The following NRG3 variants were observed in gnomAD, a reference collection of about 807,000 sequenced individuals.
NRG3 encodes pro-neuregulin-3, membrane-bound isoform.
A neutral mutation model predicts 66.9 loss-of-function variants in NRG3; 31 were observed. The ratio of observed to expected loss-of-function variants is 0.46; its 90% CI spans 0.35 to 0.63. The LOEUF is 0.63. Ranked by LOEUF, NRG3 falls within the 20% of genes least tolerant of loss-of-function variation. The pLI, the probability that NRG3 is intolerant of heterozygous loss-of-function variation, is 0.00. For missense variants in NRG3, 910 were observed against 878.9 expected, an observed-to-expected ratio of 1.04 and a Z score of -0.45; for synonymous variants, 393 against 359.4, an observed-to-expected ratio of 1.09 and a Z score of -1.06.
At chr10:82,895,378 A>G (rs1371810094) in intron 4 of NRG3, among the ~76,000 whole-genome samples, 1 of 152,150 alleles carries the variant, frequency 6.6e-6, no homozygotes, top group African/African-American at 2.4e-5. Flanking sequence ...GTTCCTGGGA[A>G]GGCTAATCAT....
chr10:82,534,663 G>T (rs975115701), intron 2 of NRG3, among the ~76,000 whole-genome samples: 1 of 152,050 alleles, frequency 6.6e-6, no homozygotes, highest in Non-Finnish European at 1.5e-5. Context: ...CACACTTTCT[G>T]ATTTCAAAAT....
At chr10:82,046,000 G>A (rs1011644711) in intron 1 of NRG3, among the ~76,000 whole-genome samples, 6 of 146,966 alleles carry the variant, frequency 4.1e-5, no homozygotes, top group Admixed American at 6.9e-5. Context: ...GTCAGGTAGC[G>A]TGATGCCTCC....
intron 1 of NRG3, among the ~76,000 whole-genome samples, chr10:82,173,789 A>G (rs1465299392): frequency 2.0e-5 from 3 of 152,168 alleles, no homozygotes; most frequent in East Asian, 1.9e-4. Flanking sequence ...GGCATGCTCC[A>G]AAGTGTGCTA....
chr10:82,027,023 A>G (rs1165615037), intron 1 of NRG3, among the ~76,000 whole-genome samples: 1 of 152,096 alleles, frequency 6.6e-6, no homozygotes, highest in East Asian at 1.9e-4. Flanking sequence ...GGGGGCAGCT[A>G]ATGATTTTAA....
At chr10:82,651,260 G>A (rs2051390986) in intron 2 of NRG3, among the ~76,000 whole-genome samples, 1 of 152,210 alleles carries the variant, frequency 6.6e-6, no homozygotes, top group Non-Finnish European at 1.5e-5. Flanking sequence ...AGAATAAGAA[G>A]CTGAGCTTAG....
At chr10:82,210,125 A>C (rs1334554085) in intron 1 of NRG3, among the ~76,000 whole-genome samples, 1 of 152,186 alleles carries the variant, frequency 6.6e-6, no homozygotes. Flanking sequence ...ATAACATATC[A>C]AAATGAGAGG....
chr10:82,188,256 T>C (rs532646266), intron 1 of NRG3, among the ~76,000 whole-genome samples: 1 of 152,252 alleles, frequency 6.6e-6, no homozygotes, highest in South Asian at 2.1e-4. Context: ...ATTGGATATA[T>C]GCAGAAGAAG....
At chr10:82,623,689 C>G (rs926005831) in intron 2 of NRG3, among the ~76,000 whole-genome samples, 3 of 152,042 alleles carry the variant, frequency 2.0e-5, no homozygotes, top group Admixed American at 1.3e-4. Flanking sequence ...CAATGTAAAG[C>G]CTTTTCCTTC....
At chr10:82,160,802 G>T (rs185384970) in intron 1 of NRG3, among the ~76,000 whole-genome samples, 1 of 151,968 alleles carries the variant, frequency 6.6e-6, no homozygotes. Context: ...AGGGAAACAA[G>T]TTCAGCATGT....
chr10:82,769,615 T>A (rs1422388992), intron 3 of NRG3, among the ~76,000 whole-genome samples: 2 of 152,130 alleles, frequency 1.3e-5, no homozygotes, highest in African/African-American at 4.8e-5. Flanking sequence ...ATAACTATTC[T>A]GCACAGTGAA....
intron 1 of NRG3, among the ~76,000 whole-genome samples, chr10:82,047,797 C>T (rs556054638): frequency 6.6e-6 from 1 of 152,116 alleles, no homozygotes; most frequent in Non-Finnish European, 1.5e-5. Context: ...TTAAAAGACA[C>T]AGACTGGCAA....
At chr10:82,122,670 T>A (rs1366095553) in intron 1 of NRG3, among the ~76,000 whole-genome samples, 1 of 152,130 alleles carries the variant, frequency 6.6e-6, no homozygotes, top group Non-Finnish European at 1.5e-5. Flanking sequence ...AGCTTCCTGA[T>A]CTTGGCATAC....
chr10:82,796,298 A>G (rs79645878), intron 3 of NRG3, among the ~76,000 whole-genome samples: 4,488 of 152,294 alleles, frequency 0.029, 213 homozygotes, highest in African/African-American at 0.1. Context: ...TACTAAAATA[A>G]GAGTCTGAAA....
At chr10:81,975,369 C>G (rs79721091) in intron 1 of NRG3, among the ~76,000 whole-genome samples, 1 of 138,940 alleles carries the variant, frequency 7.2e-6, no homozygotes, top group Non-Finnish European at 1.6e-5. Flanking sequence ...ATCTATCTAT[C>G]TATCTATTCA....
chr10:82,165,269 G>T (rs1052987847), intron 1 of NRG3, among the ~76,000 whole-genome samples: 1 of 151,812 alleles, frequency 6.6e-6, no homozygotes, highest in Non-Finnish European at 1.5e-5. Context: ...GAAATTTTAA[G>T]AATTTTTATA....
chr10:82,424,297 C>A (rs1275515923), intron 2 of NRG3, among the ~76,000 whole-genome samples: 1 of 151,974 alleles, frequency 6.6e-6, no homozygotes, highest in Non-Finnish European at 1.5e-5. Context: ...TTCTCTATAT[C>A]TTCATCCACA....
intron 2 of NRG3, among the ~76,000 whole-genome samples, chr10:82,532,965 C>CTT (rs548959968): frequency 2.1e-5 from 3 of 143,256 alleles, no homozygotes; most frequent in Admixed American, 7.0e-5. Flanking sequence ...TTTGTTTGCT[C>CTT]TTTTTTTTTT....
intron 1 of NRG3, among the ~76,000 whole-genome samples, chr10:82,328,573 C>T (rs954673517): frequency 6.6e-6 from 1 of 152,120 alleles, no homozygotes; most frequent in Non-Finnish European, 1.5e-5. Flanking sequence ...CCTGTGGACT[C>T]TGTTCAAGTC....
intron 1 of NRG3, among the ~76,000 whole-genome samples, chr10:82,356,855 G>A (rs1467174132): frequency 2.6e-5 from 4 of 152,176 alleles, no homozygotes; most frequent in African/African-American, 9.7e-5. Flanking sequence ...TTATAATGAG[G>A]TTTTTAATTA....
Sources: gnomAD v4.1 joint callset for allele counts (sites outside exome capture counted in the v4.1 genomes callset) on GRCh38, gnomAD v4.1.1 for gene constraint, MANE v1.5 for transcripts, NCBI Gene and HGNC (gene_info 2026-07-23, HGNC 2026-07-21) for gene names.